Variants in ITIH2 observed in about 807,000 individuals in gnomAD.
The protein encoded by ITIH2 is inter-alpha-trypsin inhibitor heavy chain 2.
A neutral mutation model predicts 104.4 loss-of-function variants in ITIH2; 103 were observed. The observed-to-expected ratio is 0.99, with a 90% CI of 0.84 to 1.16. The LOEUF (loss-of-function observed/expected upper bound fraction) is 1.16, where lower values mean the gene tolerates loss of function less well. Among genes scored for constraint, ITIH2 ranks in the 50% most tolerant of loss-of-function variants. ITIH2 has a pLI of 0.00. For synonymous variants in ITIH2, 436 were observed against 435.4 expected (o/e 1.00, Z -0.02); for missense variants, 1,108 against 1,162.4 (o/e 0.95, Z 0.68).
At chr10:7,742,657 T>C (rs1033421460) in intron 16 of ITIH2, among the ~76,000 whole-genome samples, 1 of 152,158 alleles carries the variant, frequency 6.6e-6, no homozygotes, top group African/African-American at 2.4e-5. Context: ...GCTGGGAGGA[T>C]GACTTGAGCC....
intron 6 of ITIH2, among the ~76,000 whole-genome samples, 180 bp downstream of exon 6, chr10:7,717,968 C>T (rs970307031): frequency 2.0e-5 from 3 of 152,132 alleles, no homozygotes; most frequent in African/African-American, 7.2e-5. Context: ...CCTTATGGCT[C>T]TCGGTCTCCT....
chr10:7,728,001 T>G (rs1350326089), intron 11 of ITIH2, among the ~76,000 whole-genome samples, 173 bp downstream of exon 11: 1 of 152,204 alleles, frequency 6.6e-6, no homozygotes, highest in East Asian at 1.9e-4. Context: ...CTTAAGCTAC[T>G]GCTCAGACAC....
chr10:7,707,028 T>C (rs546070894), intron 2 of ITIH2, among the ~76,000 whole-genome samples, 173 bp from the exon 3 acceptor site: 1 of 152,268 alleles, frequency 6.6e-6, no homozygotes, highest in African/African-American at 2.4e-5. Context: ...AACTCACCAG[T>C]GGGAAAATAG....
Position 7,731,844 on chromosome 10 carries a change from CG to C in ITIH2, c.1497del (p.Asn500MetfsTer42). 6.2e-7 allele frequency: 1 copy of C among 1,612,524 alleles called. No homozygotes were observed. Among genetic ancestry groups the C allele is most frequent in the Non-Finnish European group, 8.5e-7 (1 of 1,179,148 alleles). ...FYNQVSTPLL[R>X]NVQFNYPHTS... ...CAACCAGGTCTCCACTCCATTGCTC[CG>C]GAATGTTCAGTTCAACTATCCCCAT... On this transcript the variant is annotated frameshift_variant, in exon 13 of 21. Transcript: ENST00000358415. LOFTEE classifies it high-confidence loss of function.
intron 15 of ITIH2, among the ~76,000 whole-genome samples, chr10:7,737,951 A>C (rs1345609340): frequency 0.5 from 1 of 2 alleles, no homozygotes; most frequent in African/African-American, 0.5. Flanking sequence ...TCTATATATT[A>C]TATATTATAT....
At position 7,744,876 on chromosome 10, in the gene ITIH2, T is replaced by G. The variant is rs1588462398; in HGVS notation, c.2494T>G (p.Trp832Gly). 6.2e-7 allele frequency: 1 copy of G among 1,614,138 alleles called. No individual in the cohort carries two copies. Among genetic ancestry groups the G allele is most frequent in the East Asian group, 2.2e-5 (1 of 44,884 alleles). Residue 832 changes from tryptophan to glycine, a missense_variant, in exon 19 of 21, where the codon TGG becomes GGG. By Grantham distance (184) the Trp-to-Gly change is radical. Transcript: ENST00000358415. ...MSFSVLLHRV[W>G]KKHPVNVDFL... ...CTTTTCTGTTTTACTTCATCGTGTT[T>G]GGAAGAAGCATCCCGTCAATGTTGA... is the stretch of plus-strand genomic sequence containing the variant.
chr10:7,734,553 G>A (rs892140593), intron 14 of ITIH2, among the ~76,000 whole-genome samples: 4 of 152,114 alleles, frequency 2.6e-5, no homozygotes, highest in Non-Finnish European at 5.9e-5. Context: ...GAATTAGTAG[G>A]GTGTGGTGGC....
chr10:7,720,243 A>G (rs937773089), intron 6 of ITIH2, among the ~76,000 whole-genome samples: 3 of 152,188 alleles, frequency 2.0e-5, no homozygotes, highest in African/African-American at 7.2e-5. Context: ...TCCCTGTGCA[A>G]TATATTCATG....
chr10:7,713,316 G>A, intron 5 of ITIH2, 31 bp downstream of exon 5: 1 of 1,534,188 alleles, frequency 6.5e-7, no homozygotes, highest in Non-Finnish European at 9.0e-7. Context: ...GCTTGCCCTT[G>A]CCTCTCAATG....
In ITIH2 at chr10:7,713,180, G is replaced by A. The variant is rs1427537845; in HGVS notation, c.363-1G>A. 19 of 1,611,954 alleles carry A rather than the reference G, an allele frequency of 1.2e-5. No individual in the cohort carries two copies. The highest frequency in any genetic ancestry group is 1.5e-5 in the Non-Finnish European group (18 of 1,178,118). On this transcript the variant is annotated splice_acceptor_variant, in intron 4 of 20. Coordinates refer to ENST00000358415, the MANE Select transcript of ITIH2 (RefSeq NM_002216.3). LOFTEE classifies it high-confidence loss of function. The stretch of plus-strand genomic sequence containing the variant: ...ACTGGTTACCTTCTGTCATTTTCTA[G>A]GACTGTGGACGGCAAGACATTTAGG...
chr10:7,742,188 AT>A (rs3839914), intron 16 of ITIH2, among the ~76,000 whole-genome samples: 13 of 148,798 alleles, frequency 8.7e-5, no homozygotes, highest in East Asian at 7.9e-4. Flanking sequence ...TTGCACATAG[AT>A]TTTTTTTTTC....
At chr10:7,717,029 C>A (rs1410389593) in intron 5 of ITIH2, among the ~76,000 whole-genome samples, 1 of 151,094 alleles carries the variant, frequency 6.6e-6, no homozygotes, top group Non-Finnish European at 1.5e-5. Flanking sequence ...CTCAACGCAA[C>A]CTCTGCCTCC....
In ITIH2 at chr10:7,730,035, T is replaced by G. The variant is rs755970338; in HGVS notation, c.1363T>G (p.Phe455Val). Residue 455 changes from phenylalanine (F) to valine (V), a missense_variant, in exon 12 of 21, where the codon TTT becomes GTT. Coordinates refer to ENST00000358415, the MANE Select transcript of ITIH2 (RefSeq NM_002216.3). ...NISLFSLGMG[F>V]DVDYDFLKRL... ...CTCCTTGTTCAGTTTGGGCATGGGA[T>G]TTGATGTGGACTATGATTTTTTGAA... 6.2e-7 allele frequency: 1 copy of G among 1,612,704 alleles called. No homozygotes were observed. The highest frequency in any genetic ancestry group is 8.5e-7 in the Non-Finnish European group (1 of 1,178,940).
In ITIH2 at chr10:7,735,669, CTTTTCT is replaced by C. The variant is rs1486215942; in HGVS notation, c.1957+583_1957+588del. 2.2e-3 allele frequency among the ~76,000 whole-genome samples: 321 copies of C among 144,018 alleles called. 1 individual carries two copies. Among genetic ancestry groups the C allele is most frequent in the South Asian group, 8.3e-3 (38 of 4,578 alleles). 94.5% of individuals were successfully genotyped at this position (144,018 alleles called of 152,430 possible). On this transcript the variant is annotated intron_variant, in intron 15 of 20. Coordinates refer to ENST00000358415, the MANE Select transcript of ITIH2 (RefSeq NM_002216.3). The stretch of plus-strand genomic sequence containing the variant: ...TTTTCTTTTTCTTTTCTTTTCTTTT[CTTTTCT>C]TTTTTTTTTTTTTTTGAGACAGAGT...
intron 2 of ITIH2, among the ~76,000 whole-genome samples, chr10:7,706,464 G>C (rs530535206): frequency 1.3e-5 from 2 of 152,140 alleles, no homozygotes; most frequent in African/African-American, 2.4e-5. Flanking sequence ...CTCCTAGCAT[G>C]GTGGTTAAAA....
chr10:7,721,908 T>A (rs559170475), intron 8 of ITIH2, 131 bp downstream of exon 8: 38 of 873,990 alleles, frequency 4.3e-5, no homozygotes, highest in Admixed American at 3.4e-4. Context: ...GAGAAGGGAC[T>A]AAAATCATAT....
intron 7 of ITIH2, 105 bp downstream of exon 7, chr10:7,721,068 G>A: frequency 1.3e-6 from 1 of 748,028 alleles, no homozygotes; most frequent in Non-Finnish European, 2.3e-6. Flanking sequence ...TGGTGTTGAG[G>A]ACACTGTTGA....
intron 14 of ITIH2, among the ~76,000 whole-genome samples, chr10:7,734,415 G>T (rs1438248844): frequency 6.6e-6 from 1 of 152,206 alleles, no homozygotes; most frequent in African/African-American, 2.4e-5. Context: ...TGCCTTGGGA[G>T]CCAGATGCAT....
intron 20 of ITIH2, 105 bp from the exon 21 acceptor site, chr10:7,749,082 C>A: frequency 1.8e-6 from 2 of 1,122,074 alleles, no homozygotes; most frequent in Non-Finnish European, 2.6e-6. Context: ...TGGGGGGCGG[C>A]AGATGTGGTG....
Sources: allele counts gnomAD v4.1 joint callset (sites outside exome capture counted in the v4.1 genomes callset), GRCh38; gene constraint gnomAD v4.1.1; transcripts MANE v1.5; gene names NCBI Gene and HGNC (gene_info 2026-07-23, HGNC 2026-07-21).